The following ZNF536 variants were observed in gnomAD, a reference collection of about 807,000 sequenced individuals.
The protein encoded by ZNF536 is zinc finger protein 536.
In ZNF536, 13 loss-of-function variants were observed where a neutral mutation model predicts 84.5. The observed-to-expected ratio is 0.15, with a 90% CI of 0.10 to 0.24. The LOEUF is 0.24. Among genes scored for constraint, ZNF536 ranks in the 10% least tolerant of loss-of-function variants. ZNF536 has a pLI of 1.00. For missense variants in ZNF536, 1,536 were observed against 1,747.5 expected, an observed-to-expected ratio of 0.88 and a Z score of 2.16; for synonymous variants, 811 against 742.5, an observed-to-expected ratio of 1.09 and a Z score of -1.50.
At chr19:30,635,067 G>GT (rs1568623048) in intron 1 of ZNF536, among the ~76,000 whole-genome samples, 69 of 150,278 alleles carry the variant, frequency 4.6e-4, no homozygotes, top group African/African-American at 1.6e-3. Context: ...AAGAAAGCTG[G>GT]GTGTGTGTGT....
At chr19:30,676,191 T>C (rs2050749258) in intron 1 of ZNF536, among the ~76,000 whole-genome samples, 1 of 152,346 alleles carries the variant, frequency 6.6e-6, no homozygotes, top group East Asian at 1.9e-4. Flanking sequence ...TCAAACACTT[T>C]GGGAAATTCA....
In ZNF536 at chr19:30,341,522, C is replaced by T. The variant is rs1041573949; in HGVS notation, c.-119-10846C>T. Reference sequence around the variant, plus strand: ...CTTCTCCTCTCGTGATTGATAGCTGCACCCCATTGGTCCCTTGCTATTCTG... The same window carrying T: ...CTTCTCCTCTCGTGATTGATAGCTGTACCCCATTGGTCCCTTGCTATTCTG... On this transcript the variant is annotated intron_variant, in intron 2 of 5. Transcript: ENST00000585628. Among the ~76,000 whole-genome samples, 4 of 152,232 alleles carry T rather than the reference C, an allele frequency of 2.6e-5. No individual in the cohort carries two copies. In the East Asian group the frequency reaches 7.7e-4, roughly 29 times the overall value.
intron 2 of ZNF536, among the ~76,000 whole-genome samples, chr19:30,483,121 C>T (rs977430460): frequency 6.6e-6 from 1 of 152,172 alleles, no homozygotes; most frequent in African/African-American, 2.4e-5. Flanking sequence ...CTGTGTTGGC[C>T]CAGTGCCCAC....
At chr19:30,275,430 G>A (rs2026073641) in intron 1 of ZNF536, among the ~76,000 whole-genome samples, 2 of 152,192 alleles carry the variant, frequency 1.3e-5, no homozygotes, top group South Asian at 2.1e-4. Flanking sequence ...CTGAGGATAC[G>A]GCCATGGGGG....
At chr19:30,627,929 C>T (rs1009660724) in intron 1 of ZNF536, among the ~76,000 whole-genome samples, 18 of 152,160 alleles carry the variant, frequency 1.2e-4, no homozygotes, top group Non-Finnish European at 2.4e-4. Context: ...GGCTGGGTGG[C>T]TCCGGCCATG....
chr19:30,418,749 C>T (rs1279832652), intron 1 of ZNF536, among the ~76,000 whole-genome samples: 3 of 152,100 alleles, frequency 2.0e-5, no homozygotes, highest in Non-Finnish European at 4.4e-5. Flanking sequence ...TAAACCTTCA[C>T]CTCTGGGAGT....
intron 2 of ZNF536, among the ~76,000 whole-genome samples, chr19:30,482,212 C>A (rs2054118999): frequency 6.6e-6 from 1 of 152,092 alleles, no homozygotes; most frequent in Non-Finnish European, 1.5e-5. Context: ...ATTGGGACTG[C>A]TAGGTCGAAT....
chr19:30,292,989 C>T (rs1453190709), intron 2 of ZNF536, among the ~76,000 whole-genome samples: 1 of 152,172 alleles, frequency 6.6e-6, no homozygotes, highest in Non-Finnish European at 1.5e-5. Context: ...GAAAGTAAGC[C>T]AGGGTCTACA....
At chr19:30,294,580 T>A (rs2045941810) in intron 2 of ZNF536, among the ~76,000 whole-genome samples, 1 of 151,862 alleles carries the variant, frequency 6.6e-6, no homozygotes. Context: ...TGTGTGTGTG[T>A]GTGTGTGTGT....
At chr19:30,316,223 CAT>C (rs1297283973) in intron 2 of ZNF536, among the ~76,000 whole-genome samples, 1 of 152,174 alleles carries the variant, frequency 6.6e-6, no homozygotes, top group Non-Finnish European at 1.5e-5. Context: ...TGTTTGTGTA[CAT>C]TGTATACATG....
At chr19:30,516,739 T>C (rs2044091543) in intron 2 of ZNF536, among the ~76,000 whole-genome samples, 1 of 152,164 alleles carries the variant, frequency 6.6e-6, no homozygotes, top group Non-Finnish European at 1.5e-5. Flanking sequence ...CAGCATGTCA[T>C]TGTATAGAAA....
rs2148209506 is a variant in ZNF536, at chr19:30,445,055, T to C, written c.1493T>C (p.Leu498Pro). ...LLGCLNLVPP[L>P]KSSCIERLQA... ...GGATGCCTCAATCTCGTGCCGCCGC[T>C]GAAATCCAGCTGCATCGAGCGGCTG... is the stretch of plus-strand genomic sequence containing the variant. Residue 498 changes from leucine to proline, a missense_variant, in exon 2 of 5, where the codon CTG becomes CCG. Coordinates refer to ENST00000355537, the MANE Select transcript of ZNF536 (RefSeq NM_014717.3). This position sits in a 1 kb window ranked among gnomAD's most constrained non-coding sequence, Gnocchi z 4.5. The C allele has an allele frequency of 6.2e-7, 1 of 1,613,590 alleles. No homozygotes were observed. The highest frequency in any genetic ancestry group is 8.5e-7 in the Non-Finnish European group (1 of 1,179,998).
At chr19:30,641,374 C>T (rs2049261073) in intron 1 of ZNF536, among the ~76,000 whole-genome samples, 2 of 152,126 alleles carry the variant, frequency 1.3e-5, no homozygotes, top group Admixed American at 1.3e-4. Context: ...TCTTCCTGTG[C>T]CTAGCTTTTA....
chr19:30,311,540 C>T (rs1006258842), intron 2 of ZNF536, among the ~76,000 whole-genome samples: 15 of 152,244 alleles, frequency 9.9e-5, no homozygotes, highest in Admixed American at 3.3e-4. Flanking sequence ...ATATGGTCTT[C>T]GTGTATTTCC....
rs1555763079 is a variant in ZNF536, at chr19:30,440,937, A to AGATT, written c.-2-2623_-2-2620dup. On this transcript the variant is annotated intron_variant, in intron 1 of 4. Coordinates refer to ENST00000355537, the MANE Select transcript of ZNF536 (RefSeq NM_014717.3). ...TAGATAGATAGATAGATAGATAGAT[A>AGATT]GATTTGAAAAAAATAAAAGAATTCC... Among the ~76,000 whole-genome samples the AGATT allele has an allele frequency of 4.0e-3, 574 of 144,808 alleles. 11 individuals carry two copies. The highest frequency in any genetic ancestry group is 0.014 in the African/African-American group (528 of 37,964). 95.0% of individuals were successfully genotyped at this position (144,808 alleles called of 152,430 possible).
intron 2 of ZNF536, among the ~76,000 whole-genome samples, chr19:30,298,086 G>A (rs1447887996): frequency 6.6e-6 from 1 of 152,054 alleles, no homozygotes; most frequent in East Asian, 1.9e-4. Flanking sequence ...CATCATATTG[G>A]TCAGGCTGGT....
chr19:30,628,852 G>A (rs1037984099), intron 1 of ZNF536, among the ~76,000 whole-genome samples: 8 of 152,072 alleles, frequency 5.3e-5, no homozygotes, highest in African/African-American at 1.7e-4. Flanking sequence ...TTACAGGCAT[G>A]TGCCACCATG....
At position 30,616,117 on chromosome 19, in the gene ZNF536, T is replaced by C. The variant is rs548033043; in HGVS notation, c.169+66603T>C. On this transcript the variant is annotated intron_variant, in intron 1 of 1. Coordinates refer to the ZNF536 transcript ENST00000592773. ...AAGTATTCTGGTATGGAGTCATATC[T>C]TTTTGCAAATAATCATAACCTGCTC... is the stretch of plus-strand genomic sequence containing the variant. Among the ~76,000 whole-genome samples, 3 of 152,346 alleles carry C rather than the reference T, an allele frequency of 2.0e-5. No individual in the cohort carries two copies. In the East Asian group the frequency reaches 5.8e-4, roughly 29 times the overall value.
In ZNF536 at chr19:30,664,204, T is replaced by TTCTCTCTCTC. The variant is rs71173915; in HGVS notation, c.170-46504_170-46495dup. On this transcript the variant is annotated intron_variant, in intron 1 of 1. Transcript: ENST00000592773. ...TATCTAGAGGAATTCTTGCTGAGTT[T>TTCTCTCTCTC]TCTCTCTCTCTCTCTCTCTCTCTCT... 1.5e-3 allele frequency among the ~76,000 whole-genome samples: 132 copies of TTCTCTCTCTC among 90,682 alleles called. 1 individual carries two copies. The highest frequency in any genetic ancestry group is 0.013 in the Middle Eastern group (2 of 156). The allele number at this position is 90,682 out of a possible 152,430, so 59.5% of individuals were successfully genotyped here.
Sources: gnomAD v4.1 joint callset for allele counts (sites outside exome capture counted in the v4.1 genomes callset) on GRCh38, gnomAD v4.1.1 for gene constraint, Gnocchi (gnomAD v3.1) non-coding constraint, MANE v1.5 for transcripts, NCBI Gene and HGNC (gene_info 2026-07-23, HGNC 2026-07-21) for gene names.